Variants in SCHIP1 observed in about 807,000 individuals in gnomAD.
SCHIP1 encodes schwannomin interacting protein 1, also known as schwannomin-interacting protein 1.
A neutral mutation model predicts 29.7 loss-of-function variants in SCHIP1; 8 were observed. The observed-to-expected ratio is 0.27, with a 90% CI of 0.16 to 0.49. The LOEUF (loss-of-function observed/expected upper bound fraction) is 0.49, where lower values mean the gene tolerates loss of function less well. Among genes scored for constraint, SCHIP1 ranks in the 20% least tolerant of loss-of-function variants. SCHIP1 has a pLI of 0.99. For missense variants in SCHIP1, 193 were observed against 294.6 expected (o/e 0.66, Z 2.52); for synonymous variants, 76 against 94.9 (o/e 0.80, Z 1.16).
the SCHIP1 span, among the ~76,000 whole-genome samples, chr3:159,434,134 TAATTAA>T: frequency 6.6e-6 from 1 of 152,230 alleles, no homozygotes; most frequent in African/African-American, 2.4e-5. Flanking sequence ...ATATAGTGAT[TAATTAA>T]AATTAATCAG....
the SCHIP1 span, among the ~76,000 whole-genome samples, chr3:159,402,693 A>G: frequency 2.0e-5 from 3 of 152,128 alleles, no homozygotes; most frequent in Admixed American, 6.5e-5. Context: ...AAAAAACCAA[A>G]CATTGCATGT....
At chr3:159,375,763 G>GTT in the SCHIP1 span, 1 of 767,802 alleles carries the variant, frequency 1.3e-6, no homozygotes. Context: ...TAAATAAACT[G>GTT]TTTGATACAT....
At chr3:159,476,826 C>T in the SCHIP1 span, among the ~76,000 whole-genome samples, 2 of 152,054 alleles carry the variant, frequency 1.3e-5, no homozygotes, top group Non-Finnish European at 2.9e-5. Context: ...TTGAAATTTA[C>T]TCTTATTTTG....
the SCHIP1 span, among the ~76,000 whole-genome samples, chr3:159,291,517 A>G: frequency 1.3e-5 from 2 of 152,178 alleles, no homozygotes; most frequent in Admixed American, 6.5e-5. Context: ...ATGAAATAAT[A>G]GATTATGATC....
chr3:159,346,129 G>A, the SCHIP1 span, among the ~76,000 whole-genome samples: 1 of 151,264 alleles, frequency 6.6e-6, no homozygotes, highest in Non-Finnish European at 1.5e-5. Context: ...GGGAGAGGAG[G>A]TTGTGTCAAG....
At chr3:159,781,666 G>A in the SCHIP1 span, among the ~76,000 whole-genome samples, 14 of 152,340 alleles carry the variant, frequency 9.2e-5, no homozygotes, top group African/African-American at 3.1e-4. Context: ...AAGTTGACAG[G>A]GAGCTGTCAT....
At chr3:159,506,282 T>A in the SCHIP1 span, among the ~76,000 whole-genome samples, 3 of 152,258 alleles carry the variant, frequency 2.0e-5, no homozygotes, top group Non-Finnish European at 4.4e-5. Context: ...GAGAAGTGTC[T>A]GTTCATATCC....
the SCHIP1 span, among the ~76,000 whole-genome samples, chr3:159,621,035 G>A: frequency 6.6e-6 from 1 of 152,160 alleles, no homozygotes; most frequent in Non-Finnish European, 1.5e-5. Context: ...CAAATGCCCA[G>A]CACCTTTCTG....
At chr3:159,400,148 T>A in the SCHIP1 span, among the ~76,000 whole-genome samples, 1 of 152,230 alleles carries the variant, frequency 6.6e-6, no homozygotes, top group Non-Finnish European at 1.5e-5. Context: ...CACTTTTCTG[T>A]ATGTTAGCAG....
chr3:159,568,715 T>TGC, the SCHIP1 span, among the ~76,000 whole-genome samples: 69 of 152,292 alleles, frequency 4.5e-4, no homozygotes, highest in Middle Eastern at 3.4e-3. Flanking sequence ...CATGCATGTG[T>TGC]ATGTGTGTCT....
the SCHIP1 span, among the ~76,000 whole-genome samples, chr3:159,827,943 A>G: frequency 1.3e-5 from 2 of 152,104 alleles, no homozygotes; most frequent in Admixed American, 6.6e-5. Context: ...GTCCATGATC[A>G]ATGTAAAAAG....
the SCHIP1 span, among the ~76,000 whole-genome samples, chr3:159,789,970 C>G: frequency 6.6e-6 from 1 of 152,184 alleles, no homozygotes; most frequent in African/African-American, 2.4e-5. Flanking sequence ...AACTGGGGAT[C>G]CCAGCCAATG....
At chr3:159,792,782 C>T in the SCHIP1 span, among the ~76,000 whole-genome samples, 1 of 152,132 alleles carries the variant, frequency 6.6e-6, no homozygotes, top group Non-Finnish European at 1.5e-5. Context: ...TATTTACTTA[C>T]AAGTTGATAG....
At chr3:159,755,801 C>A in the SCHIP1 span, among the ~76,000 whole-genome samples, 1 of 152,214 alleles carries the variant, frequency 6.6e-6, no homozygotes, top group Non-Finnish European at 1.5e-5. Context: ...AAATGGGACA[C>A]ATTGGCCAAA....
the SCHIP1 span, among the ~76,000 whole-genome samples, chr3:159,503,279 C>A: frequency 2.6e-5 from 4 of 152,240 alleles, no homozygotes; most frequent in African/African-American, 9.6e-5. Flanking sequence ...TTTTCCTTTT[C>A]TTTGACCAAG....
the SCHIP1 span, among the ~76,000 whole-genome samples, chr3:159,628,965 C>T: frequency 6.6e-6 from 1 of 151,878 alleles, no homozygotes; most frequent in Non-Finnish European, 1.5e-5. Context: ...CTATAAAATA[C>T]ACAAAAGATG....
the SCHIP1 span, among the ~76,000 whole-genome samples, chr3:159,652,667 T>A: frequency 3.3e-5 from 5 of 152,010 alleles, no homozygotes; most frequent in African/African-American, 1.2e-4. Context: ...GGGAGGGGTG[T>A]GCAATGACGA....
the SCHIP1 span, among the ~76,000 whole-genome samples, chr3:159,730,720 A>G: frequency 3.3e-5 from 5 of 152,208 alleles, no homozygotes; most frequent in Non-Finnish European, 5.9e-5. Flanking sequence ...AAGAGAGAGT[A>G]AAGCAAATAA....
the SCHIP1 span, among the ~76,000 whole-genome samples, chr3:159,831,215 C>T: frequency 1.3e-5 from 2 of 152,200 alleles, no homozygotes; most frequent in South Asian, 2.1e-4. Flanking sequence ...TGAATGAGGG[C>T]CTCATGTGGC....
Sources: allele counts gnomAD v4.1 joint callset (sites outside exome capture counted in the v4.1 genomes callset), GRCh38; gene constraint gnomAD v4.1.1; transcripts MANE v1.5; gene names NCBI Gene and HGNC (gene_info 2026-07-23, HGNC 2026-07-21).